SGCD: variants seen among roughly 807,000 people sequenced by gnomAD.
SGCD encodes the protein sarcoglycan delta.
In SGCD, 18 loss-of-function variants were observed where a neutral mutation model predicts 36.6. The observed-to-expected ratio is 0.49, with a 90% CI of 0.34 to 0.73. The LOEUF (loss-of-function observed/expected upper bound fraction) is 0.73, where lower values mean the gene tolerates loss of function less well. Among genes scored for constraint, SGCD ranks in the 30% least tolerant of loss-of-function variants. The pLI is 0.01. For synonymous variants in SGCD, 133 were observed against 130.6 expected, an observed-to-expected ratio of 1.02 and a Z score of -0.12; for missense variants, 387 against 346.7, an observed-to-expected ratio of 1.12 and a Z score of -0.92.
chr5:155,811,611 A>T, the SGCD span, among the ~76,000 whole-genome samples: 1 of 152,194 alleles, frequency 6.6e-6, no homozygotes, highest in Non-Finnish European at 1.5e-5. Flanking sequence ...GTCAGTTCTT[A>T]GTTATTGCGG....
At chr5:155,885,468 A>T (rs1349313644) in intron 1 of SGCD, among the ~76,000 whole-genome samples, 1 of 67,958 alleles carries the variant, frequency 1.5e-5, no homozygotes, top group Non-Finnish European at 2.5e-5. Context: ...AAAGTAAAAA[A>T]AAAATAGTAA....
At chr5:156,059,307 T>A (rs1055048566) in intron 1 of SGCD, among the ~76,000 whole-genome samples, 1 of 146,004 alleles carries the variant, frequency 6.8e-6, no homozygotes, top group African/African-American at 2.5e-5. Flanking sequence ...CGGGTTTATT[T>A]AGCTTCTTCC....
intron 4 of SGCD, among the ~76,000 whole-genome samples, chr5:156,577,085 A>G (rs972646565): frequency 2.0e-5 from 3 of 152,142 alleles, no homozygotes; most frequent in Non-Finnish European, 4.4e-5. Flanking sequence ...ATCTTGAATT[A>G]ATTTTTCTAT....
chr5:155,727,990 C>A, the SGCD span, among the ~76,000 whole-genome samples: 2 of 152,154 alleles, frequency 1.3e-5, no homozygotes. Context: ...ACTGATCTTG[C>A]GGAGTGGAGC....
chr5:156,304,022 G>C (rs1270144222), intron 3 of SGCD, among the ~76,000 whole-genome samples: 1 of 152,050 alleles, frequency 6.6e-6, no homozygotes, highest in Non-Finnish European at 1.5e-5. Context: ...GAGCTCAGCA[G>C]AGCACCAGTA....
intron 4 of SGCD, among the ~76,000 whole-genome samples, chr5:156,569,291 C>CA (rs547518506): frequency 3.0e-4 from 45 of 150,048 alleles, no homozygotes; most frequent in Non-Finnish European, 4.3e-4. Flanking sequence ...AGGAGACAGA[C>CA]AAAAAAAAAT....
intron 1 of SGCD, among the ~76,000 whole-genome samples, chr5:155,876,235 T>C (rs1443761464): frequency 1.8e-4 from 23 of 125,270 alleles, no homozygotes; most frequent in African/African-American, 7.1e-4. Flanking sequence ...GAGTGTGATA[T>C]TCCCCTTCCT....
chr5:156,473,702 T>C (rs915450824), intron 3 of SGCD, among the ~76,000 whole-genome samples: 2 of 152,314 alleles, frequency 1.3e-5, no homozygotes, highest in South Asian at 2.1e-4. Context: ...AAGGACTTTA[T>C]TAAAATGCAG....
In SGCD at chr5:156,763,572, A is replaced by AACT. The variant is rs1436193757; in HGVS notation, c.*4184_*4186dup. On this transcript the variant is annotated 3_prime_UTR_variant, in exon 9 of 9. Coordinates refer to ENST00000337851, the MANE Select transcript of SGCD (RefSeq NM_000337.6). ...TCTCTGGTGTAGAAGGAATGCAAAA[A>AACT]ACTATAACAACAACAACAAAAACAT... 6 of 152,202 alleles carry AACT rather than the reference A, an allele frequency of 3.9e-5. No homozygotes were observed. Among genetic ancestry groups the AACT allele is most frequent in the Admixed American group, 6.5e-5 (1 of 15,280 alleles). 9.4% of individuals were successfully genotyped at this position (152,202 alleles called of 1,614,324 possible).
rs376527991 is a variant in SGCD at position 156,084,331 on chromosome 5, C to T, written c.-281-33547C>T. Among the ~76,000 whole-genome samples the T allele has an allele frequency of 9.8e-5, 15 of 152,298 alleles. No homozygotes were observed. In the East Asian group the frequency reaches 1.3e-3, roughly 14 times the overall value. On this transcript the variant is annotated intron_variant, in intron 1 of 9. Coordinates refer to the SGCD transcript ENST00000517913. ...TGCATAGTTTATAAAGTTTATGCCA[C>T]AGTATTTCATTTTCTTATGAATGAC...
chr5:156,566,809 C>T (rs147163946), intron 4 of SGCD, among the ~76,000 whole-genome samples: 2 of 151,938 alleles, frequency 1.3e-5, no homozygotes, highest in African/African-American at 4.8e-5. Flanking sequence ...CATCATAGAC[C>T]TAAAATGAGA....
At chr5:156,072,053 C>A (rs1298687295) in intron 1 of SGCD, among the ~76,000 whole-genome samples, 1 of 152,164 alleles carries the variant, frequency 6.6e-6, no homozygotes, top group South Asian at 2.1e-4. Context: ...TTCCTCAATA[C>A]AGCACACTGA....
At chr5:156,553,476 C>T (rs1387162252) in intron 4 of SGCD, among the ~76,000 whole-genome samples, 3 of 152,092 alleles carry the variant, frequency 2.0e-5, no homozygotes, top group Non-Finnish European at 4.4e-5. Flanking sequence ...ATTCATATAA[C>T]ATAAAATTCA....
At chr5:156,496,037 C>T (rs1000198675) in intron 3 of SGCD, among the ~76,000 whole-genome samples, 3 of 152,114 alleles carry the variant, frequency 2.0e-5, no homozygotes, top group Non-Finnish European at 4.4e-5. Context: ...CTACAATTCA[C>T]CCAAGAGGGC....
At chr5:155,910,737 T>C (rs1756612446) in intron 1 of SGCD, among the ~76,000 whole-genome samples, 1 of 152,112 alleles carries the variant, frequency 6.6e-6, no homozygotes, top group Admixed American at 6.6e-5. Context: ...CACTTGGTAA[T>C]AATAGAAAGA....
intron 7 of SGCD, among the ~76,000 whole-genome samples, chr5:156,696,915 AACACACACACAC>A (rs57963416): frequency 0.5 from 73,194 of 145,004 alleles, 19,305 homozygotes; most frequent in East Asian, 0.64. Flanking sequence ...CCTTACACAC[AACACACACACAC>A]ACACACACAC....
At chr5:156,281,973 G>T (rs972425485) in intron 3 of SGCD, among the ~76,000 whole-genome samples, 2 of 152,052 alleles carry the variant, frequency 1.3e-5, no homozygotes, top group Non-Finnish European at 2.9e-5. Context: ...GGAGCTTGCA[G>T]TGAGCCAAGA....
intron 1 of SGCD, among the ~76,000 whole-genome samples, chr5:156,328,234 A>G (rs1365575091): frequency 3.3e-5 from 5 of 152,270 alleles, no homozygotes; most frequent in Non-Finnish European, 5.9e-5. Context: ...TAGAAAACAC[A>G]CAGTACAATG....
intron 3 of SGCD, among the ~76,000 whole-genome samples, chr5:156,252,765 T>A (rs535020973): frequency 6.6e-6 from 1 of 152,306 alleles, no homozygotes; most frequent in Admixed American, 6.5e-5. Context: ...TTTAGAAAGT[T>A]ATTTTAGATT....
Sources: gnomAD v4.1 joint callset for allele counts (sites outside exome capture counted in the v4.1 genomes callset) on GRCh38, gnomAD v4.1.1 for gene constraint, MANE v1.5 for transcripts, NCBI Gene and HGNC (gene_info 2026-07-23, HGNC 2026-07-21) for gene names.